RC3H1: variants seen among roughly 807,000 people sequenced by gnomAD.
RC3H1 encodes the protein ring finger and CCCH-type domains 1.
In RC3H1, 50 loss-of-function variants were observed where a neutral mutation model predicts 138.2. That is an observed-to-expected ratio of 0.36 (90% CI 0.29 to 0.46). The LOEUF (loss-of-function observed/expected upper bound fraction) is 0.46, where lower values mean the gene tolerates loss of function less well. Ranked by LOEUF, RC3H1 falls within the 20% of genes least tolerant of loss-of-function variation. The pLI is 1.00. For synonymous variants in RC3H1, 462 were observed against 489.1 expected (o/e 0.94, Z 0.73); for missense variants, 1,031 against 1,388.1 (o/e 0.74, Z 4.09).
intron 1 of RC3H1, among the ~76,000 whole-genome samples, chr1:174,016,922 A>G (rs915114064): frequency 6.6e-6 from 1 of 151,918 alleles, no homozygotes; most frequent in Non-Finnish European, 1.5e-5. Flanking sequence ...AAGCTTACTA[A>G]ACAACTGCCT....
chr1:173,985,261 A>G (rs773543085), intron 2 of RC3H1, among the ~76,000 whole-genome samples: 4 of 152,188 alleles, frequency 2.6e-5, no homozygotes, highest in Non-Finnish European at 5.9e-5. Flanking sequence ...TAATGCTGCT[A>G]TGAACATCTG....
chr1:174,008,087 T>A (rs533555659), intron 1 of RC3H1, among the ~76,000 whole-genome samples: 1 of 152,340 alleles, frequency 6.6e-6, no homozygotes, highest in South Asian at 2.1e-4. Flanking sequence ...TGCTTTAGAC[T>A]TCCTTGTGGC....
chr1:174,014,841 C>A (rs761364081), intron 1 of RC3H1, among the ~76,000 whole-genome samples: 4 of 151,880 alleles, frequency 2.6e-5, no homozygotes, highest in Non-Finnish European at 5.9e-5. Flanking sequence ...TTTTTTTTAG[C>A]GAGGTCTATA....
intron 19 of RC3H1, among the ~76,000 whole-genome samples, chr1:173,939,874 T>TA (rs1190953990): frequency 1.3e-5 from 2 of 151,936 alleles, no homozygotes; most frequent in East Asian, 1.9e-4. Context: ...GTGCATGAAT[T>TA]AAAAAAACAG....
intron 1 of RC3H1, among the ~76,000 whole-genome samples, chr1:174,014,952 T>C (rs2103105362): frequency 6.6e-6 from 1 of 152,314 alleles, no homozygotes; most frequent in Non-Finnish European, 1.5e-5. Flanking sequence ...ATACTTTATA[T>C]ATAGCACAAT....
chr1:174,004,791 A>G lies in RC3H1; in HGVS notation c.-150-11656T>C, dbSNP rs1661624749. On this transcript the variant is annotated intron_variant, in intron 1 of 19. Transcript: ENST00000367696. ...CAAGATCACAAAAGAGAGAAAAGAA[A>G]AAAGTCTATCGGGCTAATGGGAAGC... Among the ~76,000 whole-genome samples, 3 of 152,242 alleles carry G rather than the reference A, an allele frequency of 2.0e-5. No individual in the cohort carries two copies. In the South Asian group the frequency reaches 6.2e-4, roughly 32 times the overall value.
chr1:173,998,916 G>C (rs968769706), intron 1 of RC3H1, among the ~76,000 whole-genome samples: 2 of 151,768 alleles, frequency 1.3e-5, no homozygotes, highest in Admixed American at 1.3e-4. Context: ...AAAAAGGCAA[G>C]ACCTTGTCTC....
intron 7 of RC3H1, among the ~76,000 whole-genome samples, chr1:173,976,632 T>A (rs1660599420): frequency 6.6e-6 from 1 of 151,698 alleles, no homozygotes. Flanking sequence ...AGAAATGAAG[T>A]GGTAGGTAGA....
chr1:173,999,242 A>G lies in RC3H1; in HGVS notation c.-150-6107T>C, dbSNP rs376800651. Among the ~76,000 whole-genome samples, 12 of 152,120 alleles carry G rather than the reference A, an allele frequency of 7.9e-5. 1 individual carries two copies. In the East Asian group the frequency reaches 2.3e-3, roughly 29 times the overall value. On this transcript the variant is annotated intron_variant, in intron 1 of 19. Transcript: ENST00000367696. ...TGTCTCTACTAAAAATACAAAAATT[A>G]GCAGGCACATGCCTGTAATCCCAGC...
intron 2 of RC3H1, among the ~76,000 whole-genome samples, chr1:173,988,028 ATCTT>A (rs1456668367): frequency 6.6e-6 from 1 of 152,202 alleles, no homozygotes; most frequent in Non-Finnish European, 1.5e-5. Context: ...TATAGATAAT[ATCTT>A]TCTCTATCTT....
chr1:173,977,489 A>C (rs1357202110), intron 7 of RC3H1, among the ~76,000 whole-genome samples: 1 of 152,244 alleles, frequency 6.6e-6, no homozygotes, highest in Non-Finnish European at 1.5e-5. Flanking sequence ...CATTATCAGA[A>C]AGAGGAAACA....
Position 173,970,576 on chromosome 1 carries a change from A to G in RC3H1, c.1263T>C (p.Asp421=), listed in dbSNP as rs753488762. 1.9e-6 allele frequency: 3 copies of G among 1,613,940 alleles called. No individual in the cohort carries two copies. In the South Asian group the frequency reaches 3.3e-5, roughly 18 times the overall value. The stretch of plus-strand genomic sequence containing the variant: ...GAGGGCATCCTCCTCTCTGCTTCAT[A>G]TCTCGACACATGTATGTTTTGTATT... ...HSKYKTYMCR[D]MKQRGGCPRG... Residue 421 remains aspartate (D), a synonymous_variant, in exon 9 of 20, where the codon GAT becomes GAC. Coordinates refer to ENST00000367696, the MANE Select transcript of RC3H1 (RefSeq NM_172071.4).
intron 1 of RC3H1, chr1:174,009,158 G>C (rs1371049731): frequency 6.6e-6 from 1 of 152,052 alleles, no homozygotes; most frequent in Non-Finnish European, 1.5e-5. Context: ...GCATGTTATA[G>C]GGAAGAGGAA....
intron 18 of RC3H1, among the ~76,000 whole-genome samples, chr1:173,942,166 CAGG>C (rs1658900749): frequency 6.6e-6 from 1 of 150,464 alleles, no homozygotes; most frequent in Non-Finnish European, 1.5e-5. Flanking sequence ...CACTTGAACC[CAGG>C]AGGCAGAGGT....
chr1:173,949,129 TGG>T (rs34983635), intron 14 of RC3H1, among the ~76,000 whole-genome samples: 30 of 75,824 alleles, frequency 4.0e-4, no homozygotes, highest in East Asian at 2.0e-3. Flanking sequence ...TCTATTTTTT[TGG>T]GGGGGGGGGT....
At chr1:174,014,560 T>C (rs893193692) in intron 1 of RC3H1, among the ~76,000 whole-genome samples, 1 of 152,234 alleles carries the variant, frequency 6.6e-6, no homozygotes, top group Non-Finnish European at 1.5e-5. Flanking sequence ...TAAGGTTTTA[T>C]ATGTAGCTTC....
chr1:173,965,277 T>C (rs1391015400), intron 9 of RC3H1, among the ~76,000 whole-genome samples, 157 bp from the exon 10 acceptor site: 7 of 152,176 alleles, frequency 4.6e-5, no homozygotes, highest in Admixed American at 2.6e-4. Flanking sequence ...GCAAGACATA[T>C]TAAGTATAAA....
At chr1:173,976,923 C>CT (rs542743644) in intron 7 of RC3H1, among the ~76,000 whole-genome samples, 4,189 of 132,500 alleles carry the variant, frequency 0.032, 90 homozygotes, top group Non-Finnish European at 0.049. Flanking sequence ...GATGTGATTT[C>CT]TTTTTTTTTT....
chr1:173,990,100 G>A (rs1254965793), intron 2 of RC3H1, among the ~76,000 whole-genome samples: 1 of 111,754 alleles, frequency 8.9e-6, no homozygotes, highest in African/African-American at 3.5e-5. Context: ...TTTTTTTTTT[G>A]ACAGAGTCGC....
Sources: allele counts gnomAD v4.1 joint callset (sites outside exome capture counted in the v4.1 genomes callset), GRCh38; gene constraint gnomAD v4.1.1; transcripts MANE v1.5; gene names NCBI Gene and HGNC (gene_info 2026-07-23, HGNC 2026-07-21).